PTPRD: variants seen among roughly 807,000 people sequenced by gnomAD.
PTPRD encodes the protein protein tyrosine phosphatase receptor type D, also known as receptor-type tyrosine-protein phosphatase delta.
Under a neutral mutation model 214.5 loss-of-function variants are expected in PTPRD, and 34 were observed. That is an observed-to-expected ratio of 0.16 (90% CI 0.12 to 0.21). The LOEUF is 0.21. PTPRD is among the 10% of genes least tolerant of loss of function. The probability of loss-of-function intolerance (pLI) is 1.00; values close to 1 mark genes in which losing one functional copy is unlikely to be tolerated. For synonymous variants in PTPRD, 1,128 were observed against 845.7 expected (o/e 1.33, Z -5.79); for missense variants, 2,545 against 2,398.7 (o/e 1.06, Z -1.27).
chr9:9,396,064 G>A (rs2067686919), intron 9 of PTPRD, among the ~76,000 whole-genome samples: 1 of 151,954 alleles, frequency 6.6e-6, no homozygotes, highest in Non-Finnish European at 1.5e-5. Context: ...GAATAATTAG[G>A]TAATAAGAGG....
At chr9:8,373,906 CTAT>C (rs1564369213) in intron 39 of PTPRD, among the ~76,000 whole-genome samples, 15 of 93,448 alleles carry the variant, frequency 1.6e-4, no homozygotes, top group African/African-American at 2.4e-4. Flanking sequence ...ATCTATCTAT[CTAT>C]CTATCTACCT....
intron 11 of PTPRD, among the ~76,000 whole-genome samples, chr9:8,960,261 T>A (rs2099151982): frequency 1.3e-5 from 2 of 152,070 alleles, no homozygotes; most frequent in Non-Finnish European, 2.9e-5. Context: ...AGGCAAACAC[T>A]GAGAAATATT....
intron 17 of PTPRD, among the ~76,000 whole-genome samples, chr9:8,525,673 T>C (rs1054018142): frequency 6.6e-6 from 1 of 151,888 alleles, no homozygotes; most frequent in Non-Finnish European, 1.5e-5. Context: ...CAAAGAGCAG[T>C]TGAATTAGAA....
At chr9:10,013,208 T>A (rs2154108801) in intron 4 of PTPRD, among the ~76,000 whole-genome samples, 1 of 152,000 alleles carries the variant, frequency 6.6e-6, no homozygotes, top group African/African-American at 2.4e-5. Context: ...AGTTTTTCAG[T>A]GACTTTTACA....
At chr9:8,661,934 C>CCATT (rs959838431) in intron 12 of PTPRD, among the ~76,000 whole-genome samples, 12 of 151,936 alleles carry the variant, frequency 7.9e-5, no homozygotes, top group East Asian at 1.9e-4. Context: ...ATTTATTTAC[C>CCATT]CATTCATTCA....
intron 9 of PTPRD, among the ~76,000 whole-genome samples, chr9:9,260,335 A>T (rs1405046524): frequency 1.3e-5 from 2 of 151,880 alleles, no homozygotes; most frequent in Non-Finnish European, 2.9e-5. Context: ...AAAGGGACTG[A>T]CTATATTAAA....
rs141796795 is a variant in PTPRD, at chr9:8,965,222, A to G, written c.-104+53475T>C. Among the ~76,000 whole-genome samples, 113 of 152,116 alleles carry G rather than the reference A, an allele frequency of 7.4e-4. 1 individual carries two copies. The East Asian group carries it at 0.019, about 26-fold the overall frequency. On this transcript the variant is annotated intron_variant, in intron 11 of 45. Coordinates refer to ENST00000381196, the MANE Select transcript of PTPRD (RefSeq NM_002839.4). ...ATGAAACCCCTTCTCTACTAAAAGC[A>G]CAAAAAAATAATTAGCCAGTTGTGG...
At chr9:9,244,908 A>T (rs1170374857) in intron 9 of PTPRD, among the ~76,000 whole-genome samples, 1 of 152,226 alleles carries the variant, frequency 6.6e-6, no homozygotes, top group African/African-American at 2.4e-5. Context: ...GCTAATATCC[A>T]GAATCTACAA....
intron 4 of PTPRD, among the ~76,000 whole-genome samples, chr9:10,011,868 T>C (rs2096607088): frequency 6.6e-6 from 1 of 151,930 alleles, no homozygotes; most frequent in Non-Finnish European, 1.5e-5. Flanking sequence ...ACCCTCAGTT[T>C]TGGAGGTAAG....
At chr9:10,419,670 T>A (rs146896422) in intron 2 of PTPRD, among the ~76,000 whole-genome samples, 15 of 151,922 alleles carry the variant, frequency 9.9e-5, no homozygotes, top group African/African-American at 3.4e-4. Flanking sequence ...GATCTCTTGG[T>A]TGTCTTCATC....
rs551383376 is a variant in PTPRD, at chr9:10,002,658, G to C, written c.-472+31060C>G. On this transcript the variant is annotated intron_variant, in intron 4 of 45. Coordinates refer to ENST00000381196, the MANE Select transcript of PTPRD (RefSeq NM_002839.4). Reference sequence around the variant, plus strand: ...AGACATAAGAACTGTAAACACATATGTACCTAATGACAGAGTCTCAAAATA... The same window carrying C: ...AGACATAAGAACTGTAAACACATATCTACCTAATGACAGAGTCTCAAAATA... 1.1e-4 allele frequency among the ~76,000 whole-genome samples: 16 copies of C among 150,480 alleles called. No individual in the cohort carries two copies. The South Asian group carries it at 1.5e-3, about 14-fold the overall frequency.
At chr9:10,194,339 TATATATAGAGAGAG>T (rs1308865604) in intron 3 of PTPRD, among the ~76,000 whole-genome samples, 52 of 68,236 alleles carry the variant, frequency 7.6e-4, no homozygotes, top group East Asian at 2.5e-3. Flanking sequence ...TATATATATA[TATATATAGAGAGAG>T]AGAGAGAGAG....
intron 8 of PTPRD, among the ~76,000 whole-genome samples, chr9:9,453,025 T>TTA (rs899104761): frequency 6.6e-5 from 10 of 151,118 alleles, no homozygotes; most frequent in East Asian, 3.9e-4. Flanking sequence ...ATTTTATTTT[T>TTA]TTTTTTTGCT....
intron 2 of PTPRD, among the ~76,000 whole-genome samples, chr9:10,477,030 T>C (rs2099067284): frequency 6.6e-6 from 1 of 152,104 alleles, no homozygotes; most frequent in Non-Finnish European, 1.5e-5. Flanking sequence ...TTAAAAACCG[T>C]AGAAGGAAAC....
At chr9:8,436,815 G>T in intron 34 of PTPRD, 126 bp from the exon 35 acceptor site, 1 of 723,184 alleles carries the variant, frequency 1.4e-6, no homozygotes, top group Non-Finnish European at 2.3e-6. Context: ...AGATGTTTTA[G>T]GTGAGGAAGC....
At chr9:9,184,528 TTACA>T (rs2099930192) in intron 9 of PTPRD, among the ~76,000 whole-genome samples, 1 of 152,062 alleles carries the variant, frequency 6.6e-6, no homozygotes, top group Non-Finnish European at 1.5e-5. Context: ...CAGTACAGTG[TTACA>T]TAGATGAGCA....
chr9:8,683,245 T>A (rs145281937), intron 12 of PTPRD, among the ~76,000 whole-genome samples: 126 of 152,312 alleles, frequency 8.3e-4, no homozygotes, highest in African/African-American at 2.8e-3. Flanking sequence ...GACTTTGCAT[T>A]CATGATTTGA....
intron 3 of PTPRD, among the ~76,000 whole-genome samples, chr9:10,282,558 T>G (rs893097403): frequency 1.3e-5 from 2 of 152,148 alleles, no homozygotes; most frequent in Non-Finnish European, 1.5e-5. Flanking sequence ...ATTAAGATTA[T>G]GTAGCAGATA....
intron 4 of PTPRD, among the ~76,000 whole-genome samples, chr9:9,952,911 C>G (rs897134251): frequency 2.4e-4 from 36 of 151,998 alleles, no homozygotes; most frequent in African/African-American, 8.5e-4. Flanking sequence ...TCTTAAATAC[C>G]TATATAAGAA....
Sources: allele counts gnomAD v4.1 joint callset (sites outside exome capture counted in the v4.1 genomes callset), GRCh38; gene constraint gnomAD v4.1.1; transcripts MANE v1.5; gene names NCBI Gene and HGNC (gene_info 2026-07-23, HGNC 2026-07-21).